The following LRRC4C variants were observed in gnomAD, a reference collection of about 807,000 sequenced individuals.
LRRC4C encodes leucine rich repeat containing 4C.
In LRRC4C, 5 loss-of-function variants were observed where a neutral mutation model predicts 33.6. The observed-to-expected ratio is 0.15, with a 90% confidence interval of 0.08 to 0.31. The LOEUF (loss-of-function observed/expected upper bound fraction) is 0.31. LRRC4C is among the 10% of genes least tolerant of loss of function. LRRC4C has a pLI of 1.00. For synonymous variants in LRRC4C, 329 were observed against 302.0 expected, an observed-to-expected ratio of 1.09 and a Z score of -0.93; for missense variants, 560 against 796.7, an observed-to-expected ratio of 0.70 and a Z score of 3.58.
In LRRC4C at chr11:40,915,445, A is replaced by G. The variant is rs968590967; in HGVS notation, c.-407+18190T>C. On this transcript the variant is annotated intron_variant, in intron 2 of 6. Transcript: ENST00000528697. ...AACCTGACAAAAACAAGAAATGAGAAAAGGATTCCCTATTTAATAAATGGT... is the reference window on the plus strand; with the variant it reads ...AACCTGACAAAAACAAGAAATGAGAGAAGGATTCCCTATTTAATAAATGGT... Among the ~76,000 whole-genome samples the G allele has an allele frequency of 2.0e-5, 3 of 152,224 alleles. No homozygotes were observed. The South Asian group carries it at 6.2e-4, about 31-fold the overall frequency.
At chr11:40,613,313 A>G (rs2172858) in intron 3 of LRRC4C, among the ~76,000 whole-genome samples, 65,597 of 151,682 alleles carry the variant, frequency 0.43, 15,262 homozygotes, top group Middle Eastern at 0.57. Context: ...AATATTCTAA[A>G]TATTTTGTTG....
intron 3 of LRRC4C, among the ~76,000 whole-genome samples, chr11:40,550,346 C>T (rs1197087900): frequency 6.6e-6 from 1 of 152,136 alleles, no homozygotes; most frequent in Non-Finnish European, 1.5e-5. Flanking sequence ...TGCCCCAGAA[C>T]ATTTTATCAT....
chr11:40,915,497 A>C (rs1263014717), intron 2 of LRRC4C, among the ~76,000 whole-genome samples: 1 of 152,344 alleles, frequency 6.6e-6, no homozygotes, highest in Admixed American at 6.5e-5. Flanking sequence ...AGCCATATGT[A>C]GAAAGCTGAA....
intron 1 of LRRC4C, among the ~76,000 whole-genome samples, chr11:41,194,113 G>T (rs937362920): frequency 6.6e-6 from 1 of 152,006 alleles, no homozygotes; most frequent in Non-Finnish European, 1.5e-5. Context: ...AATTGTAAAT[G>T]TATTTTCTCT....
At chr11:40,680,031 C>T (rs2136323089) in intron 2 of LRRC4C, among the ~76,000 whole-genome samples, 1 of 152,182 alleles carries the variant, frequency 6.6e-6, no homozygotes, top group East Asian at 1.9e-4. Context: ...GTGGCGCTAC[C>T]CAAGATTATG....
chr11:40,348,610 C>T (rs954146852), intron 3 of LRRC4C, among the ~76,000 whole-genome samples: 4 of 152,180 alleles, frequency 2.6e-5, no homozygotes, highest in African/African-American at 9.7e-5. Flanking sequence ...ATGCCTACCT[C>T]TGCTCCCAGC....
At chr11:40,465,395 G>C (rs1263050904) in intron 3 of LRRC4C, among the ~76,000 whole-genome samples, 2 of 151,760 alleles carry the variant, frequency 1.3e-5, no homozygotes, top group Non-Finnish European at 2.9e-5. Flanking sequence ...TGGACATAGG[G>C]CTACATTAAG....
In LRRC4C at chr11:40,233,563, T is replaced by A. The variant is rs200872540; in HGVS notation, c.-96+7956A>T. Among the ~76,000 whole-genome samples, 28 of 152,208 alleles carry A rather than the reference T, an allele frequency of 1.8e-4. 1 individual carries two copies. The East Asian group carries it at 5.2e-3, about 28-fold the overall frequency. ...CAAATGATACAAAAACAGTATTTTTTTAAAAAAGACAAAAATAAAAGTCTT... is the reference window on the plus strand; with the variant it reads ...CAAATGATACAAAAACAGTATTTTTATAAAAAAGACAAAAATAAAAGTCTT... On this transcript the variant is annotated intron_variant, in intron 5 of 6. Coordinates refer to ENST00000528697, the MANE Select transcript of LRRC4C (RefSeq NM_001258419.2).
chr11:41,021,019 C>T (rs1855924863), intron 1 of LRRC4C, among the ~76,000 whole-genome samples: 1 of 152,162 alleles, frequency 6.6e-6, no homozygotes, highest in African/African-American at 2.4e-5. Flanking sequence ...CACTTGCTCT[C>T]TAACCTTTTC....
At chr11:40,675,552 A>G (rs1944356374) in intron 2 of LRRC4C, among the ~76,000 whole-genome samples, 1 of 152,036 alleles carries the variant, frequency 6.6e-6, no homozygotes, top group Admixed American at 6.6e-5. Flanking sequence ...TTGTGTCACC[A>G]TCTTCCCCTC....
chr11:40,367,389 A>G (rs939146382), intron 3 of LRRC4C, among the ~76,000 whole-genome samples: 1 of 152,254 alleles, frequency 6.6e-6, no homozygotes, highest in African/African-American at 2.4e-5. Context: ...ATCCACTTAC[A>G]GATTACACAA....
chr11:40,685,910 T>C (rs891177634), intron 2 of LRRC4C, among the ~76,000 whole-genome samples: 3 of 151,844 alleles, frequency 2.0e-5, no homozygotes, highest in African/African-American at 7.3e-5. Flanking sequence ...ATAAAAATGA[T>C]CCTTGACTCT....
intron 1 of LRRC4C, among the ~76,000 whole-genome samples, chr11:41,138,635 A>G (rs1943369179): frequency 6.6e-6 from 1 of 152,226 alleles, no homozygotes; most frequent in Non-Finnish European, 1.5e-5. Flanking sequence ...TCATTTAAAG[A>G]GACCTCTATA....
intron 2 of LRRC4C, among the ~76,000 whole-genome samples, chr11:40,651,294 C>T (rs560679503): frequency 1.3e-5 from 2 of 151,758 alleles, no homozygotes; most frequent in East Asian, 1.9e-4. Flanking sequence ...CATCAATTTG[C>T]TGATCCTTCC....
chr11:40,772,952 G>A (rs190492624), intron 2 of LRRC4C, among the ~76,000 whole-genome samples: 2 of 152,170 alleles, frequency 1.3e-5, no homozygotes, highest in African/African-American at 4.8e-5. Context: ...AGCAACCTAA[G>A]TGTCCATCAA....
At chr11:40,872,286 C>A (rs1399038686) in intron 2 of LRRC4C, among the ~76,000 whole-genome samples, 1 of 150,266 alleles carries the variant, frequency 6.7e-6, no homozygotes, top group African/African-American at 2.4e-5. Flanking sequence ...ATAGTCCTGG[C>A]TCTCTCCTTA....
chr11:40,829,127 A>G (rs1565108594), intron 2 of LRRC4C, among the ~76,000 whole-genome samples: 1 of 152,016 alleles, frequency 6.6e-6, no homozygotes, highest in African/African-American at 2.4e-5. Context: ...ATCATAAACT[A>G]GATATCTTGT....
intron 1 of LRRC4C, among the ~76,000 whole-genome samples, chr11:41,201,913 CACACACAA>C (rs1438292492): frequency 3.3e-4 from 7 of 21,038 alleles, no homozygotes; most frequent in African/African-American, 1.3e-4. Context: ...CACACATACA[CACACACAA>C]ACACACACAC....
intron 1 of LRRC4C, among the ~76,000 whole-genome samples, chr11:40,941,469 A>G (rs1475860773): frequency 6.6e-6 from 1 of 152,178 alleles, no homozygotes; most frequent in Non-Finnish European, 1.5e-5. Flanking sequence ...AGAGGTATTC[A>G]CTGAGATTTC....
Sources: allele counts gnomAD v4.1 joint callset (sites outside exome capture counted in the v4.1 genomes callset), GRCh38; gene constraint gnomAD v4.1.1; transcripts MANE v1.5; gene names NCBI Gene and HGNC (gene_info 2026-07-23, HGNC 2026-07-21).